PDE4D: variants seen among roughly 807,000 people sequenced by gnomAD.
PDE4D encodes phosphodiesterase 4D, also known as 3',5'-cyclic-AMP phosphodiesterase 4D.
A neutral mutation model predicts 87.4 loss-of-function variants in PDE4D; 24 were observed. That is an observed-to-expected ratio of 0.27 (90% CI 0.20 to 0.39). The LOEUF (loss-of-function observed/expected upper bound fraction) is 0.39, where lower values mean the gene tolerates loss of function less well. PDE4D is among the 10% of genes least tolerant of loss of function. The probability of loss-of-function intolerance (pLI) is 1.00; values close to 1 mark genes in which losing one functional copy is unlikely to be tolerated. For synonymous variants in PDE4D, 384 were observed against 383.2 expected (o/e 1.00, Z -0.02); for missense variants, 714 against 1,041.0 (o/e 0.69, Z 4.32).
At chr5:60,083,939 C>T (rs1016178314) in intron 2 of PDE4D, among the ~76,000 whole-genome samples, 2 of 152,112 alleles carry the variant, frequency 1.3e-5, no homozygotes, top group Non-Finnish European at 1.5e-5. Context: ...TAGCTTTTAA[C>T]CTTTTGGCTT....
chr5:60,340,486 T>C (rs1041696557), intron 1 of PDE4D, among the ~76,000 whole-genome samples: 2 of 151,976 alleles, frequency 1.3e-5, no homozygotes, highest in Non-Finnish European at 2.9e-5. Context: ...GACATGGTGA[T>C]GCCACAATCC....
chr5:59,809,860 T>C (rs1366664997), intron 1 of PDE4D, among the ~76,000 whole-genome samples: 1 of 152,166 alleles, frequency 6.6e-6, no homozygotes, highest in Non-Finnish European at 1.5e-5. Context: ...CTATTAACCT[T>C]TCATCTAGGG....
Position 59,900,490 on chromosome 5 carries a change from T to G in PDE4D, c.272+87998A>C, listed in dbSNP as rs74319603. Reference sequence around the variant, plus strand: ...TATCTTATTGAAAAGCAACAAGATATTCATAAGAATGATATTGGAAGCTGC... The same window carrying G: ...TATCTTATTGAAAAGCAACAAGATAGTCATAAGAATGATATTGGAAGCTGC... On this transcript the variant is annotated intron_variant, in intron 3 of 16. Coordinates refer to the PDE4D transcript ENST00000502484. Among the ~76,000 whole-genome samples, 573 of 152,198 alleles carry G rather than the reference T, an allele frequency of 3.8e-3. 16 individuals are homozygous for G. The East Asian group carries it at 0.091, about 24-fold the overall frequency.
chr5:59,500,632 T>G (rs1228459843), intron 1 of PDE4D, among the ~76,000 whole-genome samples: 1 of 151,540 alleles, frequency 6.6e-6, no homozygotes, highest in Non-Finnish European at 1.5e-5. Flanking sequence ...GGTGAGCAAG[T>G]GTTGAAAAAC....
intron 4 of PDE4D, among the ~76,000 whole-genome samples, chr5:59,181,572 T>TATATATATATATATATATATA (rs1561646442): frequency 1.8e-5 from 2 of 109,924 alleles, no homozygotes; most frequent in African/African-American, 8.6e-5. Flanking sequence ...ATATATATAT[T>TATATATATATATATATATATA]AGGTATATAA....
At chr5:59,882,444 G>C (rs1408384313) in intron 1 of PDE4D, among the ~76,000 whole-genome samples, 1 of 152,134 alleles carries the variant, frequency 6.6e-6, no homozygotes, top group East Asian at 1.9e-4. Flanking sequence ...TGAGCTGGAA[G>C]CACACCTGCA....
At chr5:59,808,582 T>TTGTG (rs147077089) in intron 1 of PDE4D, among the ~76,000 whole-genome samples, 47 of 150,352 alleles carry the variant, frequency 3.1e-4, no homozygotes, top group Admixed American at 6.6e-4. Flanking sequence ...TCTATGACGT[T>TTGTG]TGTGTGTGTG....
At chr5:59,093,035 A>T (rs1315315567) in intron 5 of PDE4D, among the ~76,000 whole-genome samples, 1 of 152,174 alleles carries the variant, frequency 6.6e-6, no homozygotes, top group African/African-American at 2.4e-5. Context: ...ACCCACCCAC[A>T]AAGGCACAAA....
At chr5:59,555,921 A>T (rs1205606247) in intron 1 of PDE4D, among the ~76,000 whole-genome samples, 2 of 152,134 alleles carry the variant, frequency 1.3e-5, no homozygotes, top group East Asian at 3.9e-4. Context: ...GAATATGACC[A>T]TCTGTGCTCC....
intron 1 of PDE4D, chr5:60,459,976 T>C: frequency 1.2e-6 from 1 of 808,438 alleles, no homozygotes; most frequent in Non-Finnish European, 2.2e-6. Context: ...ATCATCATCT[T>C]CTTCTCATTC....
At chr5:60,208,190 T>C (rs184731617) in intron 1 of PDE4D, among the ~76,000 whole-genome samples, 10 of 152,322 alleles carry the variant, frequency 6.6e-5, no homozygotes, top group Non-Finnish European at 1.5e-4. Flanking sequence ...AAATACATTC[T>C]GTGAGATGGT....
At chr5:59,506,115 A>T (rs1809214707) in intron 1 of PDE4D, among the ~76,000 whole-genome samples, 1 of 152,172 alleles carries the variant, frequency 6.6e-6, no homozygotes, top group African/African-American at 2.4e-5. Context: ...TACCTAACAT[A>T]TGGCTCAGTA....
chr5:59,641,579 T>C (rs1245757566), intron 1 of PDE4D, among the ~76,000 whole-genome samples: 1 of 152,124 alleles, frequency 6.6e-6, no homozygotes, highest in Non-Finnish European at 1.5e-5. Context: ...TAAAAGCACT[T>C]TAAAATGATG....
chr5:59,151,461 T>G (rs1463914538), intron 5 of PDE4D, among the ~76,000 whole-genome samples: 1 of 152,220 alleles, frequency 6.6e-6, no homozygotes, highest in East Asian at 1.9e-4. Flanking sequence ...GGTTTCTGTC[T>G]GCTGCATGGA....
chr5:60,450,500 G>A (rs1471847116), intron 1 of PDE4D, among the ~76,000 whole-genome samples: 1 of 152,090 alleles, frequency 6.6e-6, no homozygotes, highest in Non-Finnish European at 1.5e-5. Flanking sequence ...AGGGCTGAGT[G>A]AGCCATTTAA....
upstream of PDE4D, chr5:60,488,329 G>T (rs1309613776): frequency 6.6e-6 from 1 of 151,994 alleles, no homozygotes; most frequent in African/African-American, 2.4e-5. Flanking sequence ...CTGGAGCAAG[G>T]TCTCTTCCCG....
intron 1 of PDE4D, among the ~76,000 whole-genome samples, chr5:59,863,885 T>C (rs944312873): frequency 2.6e-5 from 4 of 152,138 alleles, no homozygotes; most frequent in African/African-American, 9.7e-5. Flanking sequence ...TCCATGCCAT[T>C]GATGAAATCC....
At chr5:59,346,934 G>A (rs1044341729) in intron 1 of PDE4D, among the ~76,000 whole-genome samples, 1 of 152,202 alleles carries the variant, frequency 6.6e-6, no homozygotes, top group Non-Finnish European at 1.5e-5. Flanking sequence ...GATCAGGGCA[G>A]TGATACTTCA....
intron 1 of PDE4D, among the ~76,000 whole-genome samples, chr5:59,311,847 C>T (rs964186243): frequency 1.3e-5 from 2 of 152,124 alleles, no homozygotes; most frequent in African/African-American, 4.8e-5. Context: ...CCCTAATCCT[C>T]GTAAAGCTTG....
Sources: allele counts gnomAD v4.1 joint callset (sites outside exome capture counted in the v4.1 genomes callset), GRCh38; gene constraint gnomAD v4.1.1; transcripts MANE v1.5; gene names NCBI Gene and HGNC (gene_info 2026-07-23, HGNC 2026-07-21).